Variants in MARCHF1 observed in about 807,000 individuals in gnomAD.
MARCHF1 encodes the protein membrane associated ring-CH-type finger 1.
MARCHF1 carries 40 observed loss-of-function variants against 54.2 expected under a neutral mutation model. That is an observed-to-expected ratio of 0.74 (90% CI 0.57 to 0.96). The LOEUF is 0.96. Among genes scored for constraint, MARCHF1 ranks in the 40% least tolerant of loss-of-function variants. The pLI is 0.00. For synonymous variants in MARCHF1, 236 were observed against 236.3 expected, an observed-to-expected ratio of 1.00 and a Z score of 0.01; for missense variants, 586 against 656.5, an observed-to-expected ratio of 0.89 and a Z score of 1.17.
chr4:164,147,946 G>A (rs557945515), intron 1 of MARCHF1, among the ~76,000 whole-genome samples: 1 of 151,690 alleles, frequency 6.6e-6, no homozygotes, highest in Admixed American at 6.6e-5. Flanking sequence ...GATAAATATA[G>A]CAAAGTATAA....
intron 5 of MARCHF1, among the ~76,000 whole-genome samples, chr4:163,673,252 A>C (rs964203392): frequency 3.9e-5 from 6 of 152,232 alleles, no homozygotes; most frequent in Admixed American, 3.3e-4. Flanking sequence ...ATTTTTACTC[A>C]ATATTAGCCT....
chr4:163,584,208 T>A (rs1560956349), intron 8 of MARCHF1: 1 of 151,596 alleles, frequency 6.6e-6, no homozygotes, highest in Admixed American at 6.6e-5. Context: ...GTAGTGGTGA[T>A]AGATATGGTA....
chr4:164,214,948 A>G (rs922548005), intron 1 of MARCHF1, among the ~76,000 whole-genome samples: 2 of 152,024 alleles, frequency 1.3e-5, no homozygotes, highest in African/African-American at 4.8e-5. Flanking sequence ...CAAACCTCAG[A>G]TGGGCAGGCT....
chr4:164,005,201 T>C (rs536862172), intron 2 of MARCHF1, among the ~76,000 whole-genome samples: 2 of 152,106 alleles, frequency 1.3e-5, no homozygotes, highest in South Asian at 4.2e-4. Context: ...ATTGAAAAAT[T>C]AGATAAAATA....
At chr4:163,870,987 T>C (rs952734228) in intron 3 of MARCHF1, among the ~76,000 whole-genome samples, 2 of 152,182 alleles carry the variant, frequency 1.3e-5, no homozygotes, top group Non-Finnish European at 2.9e-5. Context: ...AGAACAAATT[T>C]TGTATGTTCC....
At chr4:163,862,252 CTT>C (rs1344781544) in intron 3 of MARCHF1, among the ~76,000 whole-genome samples, 2 of 151,902 alleles carry the variant, frequency 1.3e-5, no homozygotes, top group Non-Finnish European at 2.9e-5. Context: ...ATGAAAGACT[CTT>C]AAGAGAATTA....
intron 4 of MARCHF1, among the ~76,000 whole-genome samples, chr4:163,723,212 A>C (rs1308653077): frequency 6.6e-6 from 1 of 152,168 alleles, no homozygotes; most frequent in African/African-American, 2.4e-5. Context: ...CTTTTAGGGC[A>C]GGCCTGGTGG....
intron 5 of MARCHF1, among the ~76,000 whole-genome samples, chr4:163,691,598 GGTGA>G (rs1209127575): frequency 1.3e-5 from 2 of 152,140 alleles, no homozygotes; most frequent in Admixed American, 6.6e-5. Context: ...TGAAAACAAT[GGTGA>G]GTATCAGTTA....
At chr4:164,171,808 A>G (rs2110977522) in intron 1 of MARCHF1, among the ~76,000 whole-genome samples, 1 of 152,344 alleles carries the variant, frequency 6.6e-6, no homozygotes, top group Admixed American at 6.5e-5. Context: ...TTTGGTTCAG[A>G]AGATTTCTCA....
At chr4:164,318,386 T>A (rs972946692) in intron 1 of MARCHF1, among the ~76,000 whole-genome samples, 1 of 152,192 alleles carries the variant, frequency 6.6e-6, no homozygotes, top group Non-Finnish European at 1.5e-5. Context: ...CAATTCTCCC[T>A]TCTGTGGAGT....
rs116712967 is a variant in MARCHF1 at position 164,051,741 on chromosome 4, C to T, written c.-248+59847G>A. Among the ~76,000 whole-genome samples, 898 of 152,240 alleles carry T rather than the reference C, an allele frequency of 5.9e-3. 9 individuals are homozygous for T. Among genetic ancestry groups the T allele is most frequent in the African/African-American group, 0.021 (859 of 41,548 alleles). On this transcript the variant is annotated intron_variant, in intron 2 of 9. Coordinates refer to ENST00000514618, the MANE Select transcript of MARCHF1 (RefSeq NM_001394959.1). ...ATTCCCTTGTCCAGATACTTAATCA[C>T]CATGTTATTCTGTTATGCATGAAGG...
At chr4:164,037,033 G>C (rs1019302833) in intron 2 of MARCHF1, among the ~76,000 whole-genome samples, 1 of 152,022 alleles carries the variant, frequency 6.6e-6, no homozygotes, top group African/African-American at 2.4e-5. Context: ...AATATGGGGG[G>C]AATAAGAAAA....
intron 9 of MARCHF1, among the ~76,000 whole-genome samples, chr4:163,534,208 C>T (rs1403535173): frequency 6.6e-6 from 1 of 151,978 alleles, no homozygotes; most frequent in East Asian, 1.9e-4. Context: ...ACACAGCATT[C>T]GTGCCCTAAT....
intron 4 of MARCHF1, among the ~76,000 whole-genome samples, chr4:163,718,625 A>G (rs928356964): frequency 4.6e-5 from 7 of 152,190 alleles, no homozygotes; most frequent in Non-Finnish European, 1.0e-4. Flanking sequence ...CATTTCAGGA[A>G]CATATTTGTG....
chr4:163,739,473 GTA>G (rs1561050995), intron 4 of MARCHF1, among the ~76,000 whole-genome samples: 1 of 152,204 alleles, frequency 6.6e-6, no homozygotes, highest in East Asian at 1.9e-4. Context: ...TGGCAAAATT[GTA>G]TGTGTGGTAA....
intron 1 of MARCHF1, among the ~76,000 whole-genome samples, chr4:164,276,940 A>ATATG (rs1733899652): frequency 1.7e-5 from 2 of 119,240 alleles, no homozygotes; most frequent in South Asian, 3.5e-4. Flanking sequence ...TATTCTATAT[A>ATATG]TATATATAGA....
At chr4:164,336,312 CA>C (rs1175273927) in intron 1 of MARCHF1, among the ~76,000 whole-genome samples, 1 of 151,582 alleles carries the variant, frequency 6.6e-6, no homozygotes, top group Non-Finnish European at 1.5e-5. Context: ...TTGGTTAAGA[CA>C]AAAAAAGGAA....
chr4:164,029,969 A>G (rs537952384), intron 2 of MARCHF1, among the ~76,000 whole-genome samples: 4 of 152,336 alleles, frequency 2.6e-5, no homozygotes, highest in African/African-American at 9.6e-5. Context: ...TGGGGATTCT[A>G]TCATTCATAG....
At chr4:163,962,455 A>C (rs886350667) in intron 3 of MARCHF1, among the ~76,000 whole-genome samples, 3 of 151,930 alleles carry the variant, frequency 2.0e-5, no homozygotes, top group African/African-American at 7.2e-5. Flanking sequence ...CAAAATTTAC[A>C]GGTCCATAGT....
Sources: gnomAD v4.1 joint callset for allele counts (sites outside exome capture counted in the v4.1 genomes callset) on GRCh38, gnomAD v4.1.1 for gene constraint, MANE v1.5 for transcripts, NCBI Gene and HGNC (gene_info 2026-07-23, HGNC 2026-07-21) for gene names.